GID4: variants seen among roughly 807,000 people sequenced by gnomAD.
GID4 encodes the protein glucose-induced degradation protein 4 homolog.
In GID4, 7 loss-of-function variants were observed where a neutral mutation model predicts 32.4. The ratio of observed to expected loss-of-function variants is 0.22; its 90% CI spans 0.12 to 0.41. GID4 has a LOEUF of 0.41. Ranked by LOEUF, GID4 falls within the 10% of genes least tolerant of loss-of-function variation. The pLI is 1.00. For synonymous variants in GID4, 166 were observed against 170.0 expected (o/e 0.98, Z 0.18); for missense variants, 309 against 400.0 (o/e 0.77, Z 1.94).
At chr17:18,040,831 C>T (rs1362747082) in intron 1 of GID4, among the ~76,000 whole-genome samples, 2 of 152,190 alleles carry the variant, frequency 1.3e-5, no homozygotes, top group Admixed American at 6.5e-5. Flanking sequence ...GGAAATCTAA[C>T]TCACCCAATT....
intron 2 of GID4, 109 bp from the exon 3 acceptor site, chr17:18,054,018 C>T: frequency 1.8e-6 from 1 of 557,824 alleles, no homozygotes; most frequent in Non-Finnish European, 3.2e-6. Context: ...TGTCAGGTAG[C>T]AGTGTCTAGG....
chr17:18,039,674 T>C lies in GID4; in HGVS notation c.210T>C (p.Pro70=), dbSNP rs1190700269. ...LLGSRAAAAV[P]LPLPPALAPG... The stretch of plus-strand genomic sequence containing the variant: ...GCTCCCGCGCGGCGGCGGCGGTTCC[T>C]CTCCCACTCCCCCCAGCCCTGGCTC... The change falls in exon 1 of 6, where the codon CCT becomes CCC. Residue 70 remains proline, a synonymous_variant. Transcript: ENST00000268719. This position sits in a 1 kb window ranked among gnomAD's most constrained non-coding sequence, Gnocchi z 5.3. The C allele has an allele frequency of 1.5e-6, 2 of 1,349,510 alleles. No homozygotes were observed. Among genetic ancestry groups the C allele is most frequent in the South Asian group, 3.3e-5 (2 of 59,740 alleles). 83.6% of individuals were successfully genotyped at this position (1,349,510 alleles called of 1,614,324 possible).
At chr17:18,055,112 A>G (rs567770889) in intron 3 of GID4, among the ~76,000 whole-genome samples, 1 of 151,002 alleles carries the variant, frequency 6.6e-6, no homozygotes, top group East Asian at 2.0e-4. Flanking sequence ...CGGAGCTTGC[A>G]GTGAGCCGAG....
rs115192124 is a variant in GID4, at chr17:18,055,532, A to C, written c.606+1298A>C. On this transcript the variant is annotated intron_variant, in intron 3 of 5. Transcript: ENST00000268719. ...GAGTTGGGGTCTTGCTCTGTCGTCTATGCTGGAGTGCAGTGGCATGATTAT... is the reference window on the plus strand; with the variant it reads ...GAGTTGGGGTCTTGCTCTGTCGTCTCTGCTGGAGTGCAGTGGCATGATTAT... 4.5e-3 allele frequency among the ~76,000 whole-genome samples: 690 copies of C among 152,304 alleles called. 6 individuals are homozygous for C. Among genetic ancestry groups the C allele is most frequent in the African/African-American group, 0.016 (667 of 41,554 alleles).
chr17:18,050,564 T>C (rs1168393434), intron 2 of GID4, among the ~76,000 whole-genome samples: 1 of 152,212 alleles, frequency 6.6e-6, no homozygotes, highest in Non-Finnish European at 1.5e-5. Flanking sequence ...GCTAGACTTG[T>C]GCTTAACTAG....
chr17:18,062,084 C>A (rs778638119), intron 5 of GID4, 109 bp downstream of exon 5: 1 of 1,081,588 alleles, frequency 9.2e-7, no homozygotes, highest in Non-Finnish European at 1.4e-6. Flanking sequence ...TGTATAGATT[C>A]TGTGCTTTAT....
At chr17:18,060,821 C>T (rs1319789683) in intron 4 of GID4, among the ~76,000 whole-genome samples, 2 of 152,146 alleles carry the variant, frequency 1.3e-5, no homozygotes, top group African/African-American at 2.4e-5. Context: ...GCAACCTCCC[C>T]GTCCCGTGTT....
chr17:18,050,694 C>T (rs1378274401), intron 2 of GID4, among the ~76,000 whole-genome samples: 1 of 152,222 alleles, frequency 6.6e-6, no homozygotes, highest in Non-Finnish European at 1.5e-5. Flanking sequence ...AATGTTAATC[C>T]TCCAGAAGAC....
At chr17:18,040,836 C>G (rs2044792185) in intron 1 of GID4, among the ~76,000 whole-genome samples, 1 of 152,154 alleles carries the variant, frequency 6.6e-6, no homozygotes, top group African/African-American at 2.4e-5. Context: ...TCTAACTCAC[C>G]CAATTTTAGT....
At chr17:18,041,754 G>A (rs1282231518) in intron 1 of GID4, among the ~76,000 whole-genome samples, 1 of 152,166 alleles carries the variant, frequency 6.6e-6, no homozygotes, top group Non-Finnish European at 1.5e-5. Flanking sequence ...GCGTCAAAGG[G>A]GAGTCTGCTT....
Position 18,058,896 on chromosome 17 carries a change from C to G in GID4, c.635C>G (p.Ala212Gly). The change falls in exon 4 of 6, where the codon GCA (alanine) becomes GGA (glycine). Residue 212 changes from alanine to glycine, a missense_variant. Ala to Gly is a moderately conservative substitution (Grantham distance 60). Coordinates refer to ENST00000268719, the MANE Select transcript of GID4 (RefSeq NM_024052.5). Reference sequence around the variant, plus strand: ...AAGTTTCTGGCTTTTTATCAGTATGCAAAATCATTTAACTCAGATGACTTT... The same window carrying G: ...AAGTTTCTGGCTTTTTATCAGTATGGAAAATCATTTAACTCAGATGACTTT... ...WGKFLAFYQYAKSFNSDDFDY... is the reference protein window; with the variant it reads ...WGKFLAFYQYGKSFNSDDFDY... 1 of 1,612,530 alleles carries G rather than the reference C, an allele frequency of 6.2e-7. No homozygotes were observed. The highest frequency in any genetic ancestry group is 1.1e-5 in the South Asian group (1 of 91,028).
chr17:18,062,928 G>A (rs141143405), intron 5 of GID4, among the ~76,000 whole-genome samples: 5 of 151,112 alleles, frequency 3.3e-5, no homozygotes, highest in African/African-American at 1.2e-4. Flanking sequence ...CAAAAAATTA[G>A]CCAGGCATGG....
Position 18,056,670 on chromosome 17 carries a change from G to A in GID4, c.607-2198G>A, listed in dbSNP as rs1352123218. ...TGACTACAAATTAAATACTTGGAAA[G>A]CAACTCTTAATTTTCCCATTGACTT... On this transcript the variant is annotated intron_variant, in intron 3 of 5. Transcript: ENST00000268719. The A allele has an allele frequency of 3.3e-6, 5 of 1,538,012 alleles. No individual in the cohort carries two copies. In the African/African-American group the frequency reaches 5.5e-5, roughly 17 times the overall value.
chr17:18,063,322 A>C (rs1468083413), intron 5 of GID4, among the ~76,000 whole-genome samples: 1 of 151,810 alleles, frequency 6.6e-6, no homozygotes, highest in East Asian at 1.9e-4. Flanking sequence ...AGGCAGGAGA[A>C]TCACTTGAAC....
intron 3 of GID4, among the ~76,000 whole-genome samples, chr17:18,056,160 C>T (rs2044964874): frequency 6.6e-6 from 1 of 152,192 alleles, no homozygotes; most frequent in African/African-American, 2.4e-5. Flanking sequence ...CAGCCCCAAG[C>T]TGTTTTTTAC....
rs112996306 is a variant in GID4, at chr17:18,045,163, A to G, written c.455A>G (p.Asn152Ser). Residue 152 changes from asparagine to serine, a missense_variant, in exon 2 of 6, where the codon AAC (asparagine) becomes AGC (serine). This residue lies in a region of GID4 where 116 missense variants were observed against 214.2 expected (regional missense o/e 0.54). Transcript: ENST00000268719. ...TCTTTTCAGCACGTGGACACGGGGA[A>G]CTCTTACCTTTGTGGGTACTTGAAG... ...EVVLQHVDTGNSYLCGYLKIK... is the reference protein window; with the variant it reads ...EVVLQHVDTGSSYLCGYLKIK... 6.2e-7 allele frequency: 1 copy of G among 1,613,466 alleles called. No homozygotes were observed. The highest frequency in any genetic ancestry group is 8.5e-7 in the Non-Finnish European group (1 of 1,179,462).
At chr17:18,045,046 C>T in intron 1 of GID4, 101 bp from the exon 2 acceptor site, 1 of 858,486 alleles carries the variant, frequency 1.2e-6, no homozygotes, top group South Asian at 1.5e-5. Context: ...TGGGTGTTCA[C>T]TGACCACCAG....
chr17:18,060,969 A>G (rs2045013361), intron 4 of GID4, among the ~76,000 whole-genome samples: 1 of 152,182 alleles, frequency 6.6e-6, no homozygotes, highest in Non-Finnish European at 1.5e-5. Flanking sequence ...TCCTGACCTC[A>G]GGTGATCCAC....
At chr17:18,051,221 A>G (rs4925137) in intron 2 of GID4, among the ~76,000 whole-genome samples, 127,916 of 151,996 alleles carry the variant, frequency 0.84, 54,710 homozygotes, top group African/African-American at 0.97. Flanking sequence ...GCCCAAGCTG[A>G]TCTTGATCTC....
Sources: gnomAD v4.1 joint callset for allele counts (sites outside exome capture counted in the v4.1 genomes callset) on GRCh38, gnomAD v4.1.1 for gene constraint, gnomAD v4.1.1 regional missense constraint, Gnocchi (gnomAD v3.1) non-coding constraint, MANE v1.5 for transcripts, NCBI Gene and HGNC (gene_info 2026-07-23, HGNC 2026-07-21) for gene names.